Variants in ANKRD44 observed in about 807,000 individuals in gnomAD.
The protein encoded by ANKRD44 is serine/threonine-protein phosphatase 6 regulatory ankyrin repeat subunit B.
ANKRD44 carries 35 observed loss-of-function variants against 116.0 expected under a neutral mutation model. That is an observed-to-expected ratio of 0.30 (90% CI 0.23 to 0.40). The LOEUF is 0.40. Ranked by LOEUF, ANKRD44 falls within the 10% of genes least tolerant of loss-of-function variation. The pLI is 1.00. For missense variants in ANKRD44, 1,014 were observed against 1,242.6 expected (o/e 0.82, Z 2.77); for synonymous variants, 435 against 461.8 (o/e 0.94, Z 0.74).
intron 2 of ANKRD44, among the ~76,000 whole-genome samples, chr2:197,178,361 CT>C (rs1183112376): frequency 6.6e-6 from 1 of 152,124 alleles, no homozygotes; most frequent in East Asian, 1.9e-4. Flanking sequence ...GTCCCAGCTA[CT>C]TGGGAAGCTG....
intron 1 of ANKRD44, among the ~76,000 whole-genome samples, chr2:197,249,811 G>A (rs900670476): frequency 9.2e-5 from 14 of 152,116 alleles, no homozygotes; most frequent in Admixed American, 3.3e-4. Context: ...TCAAAGAAGC[G>A]TCTAGGTTTA....
intron 4 of ANKRD44, among the ~76,000 whole-genome samples, chr2:197,131,482 C>T (rs1416435700): frequency 1.3e-5 from 2 of 152,170 alleles, no homozygotes; most frequent in Non-Finnish European, 2.9e-5. Context: ...TGAGCCACCG[C>T]GCCCGGCGAT....
intron 1 of ANKRD44, among the ~76,000 whole-genome samples, chr2:197,253,709 G>A (rs2082374330): frequency 6.6e-6 from 1 of 152,162 alleles, no homozygotes; most frequent in Admixed American, 6.5e-5. Context: ...AAGTACTTCT[G>A]CTGGAATCTC....
intron 1 of ANKRD44, among the ~76,000 whole-genome samples, chr2:197,210,403 A>G (rs1001234421): frequency 5.3e-5 from 8 of 152,204 alleles, no homozygotes; most frequent in African/African-American, 1.9e-4. Context: ...CAGTAATGTA[A>G]GTAACCTGAC....
At chr2:197,077,637 C>T (rs190100393) in intron 16 of ANKRD44, among the ~76,000 whole-genome samples, 1 of 152,248 alleles carries the variant, frequency 6.6e-6, no homozygotes, top group East Asian at 1.9e-4. Context: ...ACTTTCTGTC[C>T]CACTAAAACC....
At chr2:197,229,837 T>A (rs181238856) in intron 1 of ANKRD44, among the ~76,000 whole-genome samples, 317 of 152,264 alleles carry the variant, frequency 2.1e-3, no homozygotes, top group Non-Finnish European at 3.4e-3. Flanking sequence ...CACCTTCCTA[T>A]GATGCTTCTT....
In ANKRD44 at chr2:196,987,491, C is replaced by CA. The variant is rs2075851177; in HGVS notation, c.*2099dup. On this transcript the variant is annotated 3_prime_UTR_variant, in exon 28 of 28. Coordinates refer to ENST00000282272, the MANE Select transcript of ANKRD44 (RefSeq NM_001195144.2). ...CTTCAACCAACACAACATATAAGCA[C>CA]ACCAAGTTGCTCAACAGTACAAAGA... 3.0e-6 allele frequency: 3 copies of CA among 985,180 alleles called. No individual in the cohort carries two copies. The highest frequency in any genetic ancestry group is 1.7e-5 in the African/African-American group (1 of 57,220). 61.0% of individuals were successfully genotyped at this position (985,180 alleles called of 1,614,324 possible).
chr2:197,243,950 G>A (rs958943915), intron 1 of ANKRD44, among the ~76,000 whole-genome samples: 1 of 152,150 alleles, frequency 6.6e-6, no homozygotes, highest in South Asian at 2.1e-4. Flanking sequence ...CTCCAATCAG[G>A]GGAGTTAAGA....
intron 1 of ANKRD44, among the ~76,000 whole-genome samples, chr2:197,261,364 G>C (rs1467401156): frequency 6.6e-6 from 1 of 151,630 alleles, no homozygotes; most frequent in East Asian, 1.9e-4. Flanking sequence ...TTTTTGTCAG[G>C]TTTGTCAAAG....
intron 1 of ANKRD44, among the ~76,000 whole-genome samples, chr2:197,298,404 G>C (rs1488235303): frequency 1.3e-5 from 2 of 152,148 alleles, no homozygotes; most frequent in East Asian, 3.9e-4. Flanking sequence ...TAAGTCAATA[G>C]ATGTGTGGAC....
intron 16 of ANKRD44, among the ~76,000 whole-genome samples, chr2:197,046,507 T>G (rs1028246540): frequency 2.6e-5 from 4 of 152,126 alleles, no homozygotes; most frequent in Non-Finnish European, 5.9e-5. Context: ...ATTGAAGCAG[T>G]CATTCTCCCA....
intron 16 of ANKRD44, among the ~76,000 whole-genome samples, chr2:197,050,969 CTTT>C (rs11428405): frequency 1.5e-5 from 2 of 134,882 alleles, no homozygotes; most frequent in Non-Finnish European, 1.6e-5. Context: ...GTCTCCCTTA[CTTT>C]TTTTTTTTTT....
chr2:197,234,071 TAC>T (rs1268198942), intron 1 of ANKRD44, among the ~76,000 whole-genome samples: 1 of 152,226 alleles, frequency 6.6e-6, no homozygotes, highest in African/African-American at 2.4e-5. Context: ...TTCAAAATTA[TAC>T]AGAGTAAACC....
chr2:197,045,138 G>A (rs1414039870), intron 16 of ANKRD44, among the ~76,000 whole-genome samples: 2 of 151,520 alleles, frequency 1.3e-5, no homozygotes, highest in Non-Finnish European at 2.9e-5. Context: ...AAGCAGTTGG[G>A]CTATACAAGC....
chr2:197,001,300 G>A (rs1261701079), intron 22 of ANKRD44, among the ~76,000 whole-genome samples: 1 of 152,194 alleles, frequency 6.6e-6, no homozygotes, highest in Middle Eastern at 3.2e-3. Flanking sequence ...ATTCACTATT[G>A]AGACTGGAGC....
intron 1 of ANKRD44, among the ~76,000 whole-genome samples, chr2:197,219,693 C>A (rs2125723085): frequency 6.6e-6 from 1 of 151,978 alleles, no homozygotes; most frequent in South Asian, 2.1e-4. Context: ...CTGCAAAGTG[C>A]AGGAAAAATA....
intron 2 of ANKRD44, among the ~76,000 whole-genome samples, chr2:197,167,888 C>G (rs1180144530): frequency 6.6e-6 from 1 of 152,218 alleles, no homozygotes; most frequent in African/African-American, 2.4e-5. Flanking sequence ...CCAGAGGCAG[C>G]ATGTTGAGCA....
chr2:196,981,210 CAT>C (rs1383518809), intron 21 of ANKRD44, among the ~76,000 whole-genome samples: 1 of 152,202 alleles, frequency 6.6e-6, no homozygotes, highest in East Asian at 1.9e-4. Context: ...TCACCTCCCT[CAT>C]GTTTTCACTT....
At chr2:197,065,498 C>T (rs1034584999) in intron 16 of ANKRD44, among the ~76,000 whole-genome samples, 1 of 152,106 alleles carries the variant, frequency 6.6e-6, no homozygotes, top group African/African-American at 2.4e-5. Flanking sequence ...TTCAAAAAAT[C>T]AATGAATCCA....
Sources: allele counts gnomAD v4.1 joint callset (sites outside exome capture counted in the v4.1 genomes callset), GRCh38; gene constraint gnomAD v4.1.1; transcripts MANE v1.5; gene names NCBI Gene and HGNC (gene_info 2026-07-23, HGNC 2026-07-21).